The following PCDHGA5 variants were observed in gnomAD, a reference collection of about 807,000 sequenced individuals.
PCDHGA5 encodes protocadherin gamma subfamily A, 5, also known as protocadherin gamma-A5.
A neutral mutation model predicts 56.7 loss-of-function variants in PCDHGA5; 36 were observed. The ratio of observed to expected loss-of-function variants is 0.64; its 90% CI spans 0.49 to 0.84. The LOEUF (loss-of-function observed/expected upper bound fraction) is 0.84, where lower values mean the gene tolerates loss of function less well. PCDHGA5 is among the 40% of genes least tolerant of loss of function. The pLI, the probability that PCDHGA5 is intolerant of heterozygous loss-of-function variation, is 0.00. For missense variants in PCDHGA5, 1,305 were observed against 1,201.5 expected (o/e 1.09, Z -1.27); for synonymous variants, 563 against 520.2 (o/e 1.08, Z -1.12).
intron 1 of PCDHGA5, chr5:141,390,232 C>A: frequency 6.2e-7 from 1 of 1,614,020 alleles, no homozygotes. Context: ...GGTGATTCAT[C>A]TGGGGCCTTA....
At chr5:141,442,029 A>C in intron 1 of PCDHGA5, 1 of 210,292 alleles carries the variant, frequency 4.8e-6, no homozygotes, top group Non-Finnish European at 9.8e-6. Context: ...CAGGAAAGCG[A>C]CTCGCCAGCG....
intron 1 of PCDHGA5, chr5:141,394,309 C>T (rs2092971552): frequency 6.2e-7 from 1 of 1,613,992 alleles, no homozygotes; most frequent in Non-Finnish European, 8.5e-7. Flanking sequence ...CTGCAGGGGG[C>T]GCCCCTGTCC....
At chr5:141,444,002 C>T (rs2098413409) in intron 1 of PCDHGA5, among the ~76,000 whole-genome samples, 1 of 151,918 alleles carries the variant, frequency 6.6e-6, no homozygotes, top group African/African-American at 2.4e-5. Flanking sequence ...TAAATGCTAC[C>T]TGGGTATTGG....
intron 1 of PCDHGA5, chr5:141,424,031 T>G (rs2096796228): frequency 1.9e-6 from 2 of 1,036,050 alleles, no homozygotes; most frequent in African/African-American, 3.4e-5. Flanking sequence ...AAACACTTTT[T>G]ATTTCCATTT....
At chr5:141,464,116 T>A (rs1195883274) in intron 1 of PCDHGA5, among the ~76,000 whole-genome samples, 1 of 151,922 alleles carries the variant, frequency 6.6e-6, no homozygotes, top group African/African-American at 2.4e-5. Context: ...AATACAAAAA[T>A]TAGCTGGGTG....
rs11410533 is a variant in PCDHGA5, at chr5:141,429,387, TA to T, written c.2421+62644del. ...AAATGGAGAAAATGTGTTTTTTTTT[TA>T]AAAAAAATTGAGATTAAGGTCTCAT... On this transcript the variant is annotated intron_variant, in intron 1 of 3. Transcript: ENST00000518069. Among the ~76,000 whole-genome samples, 10 of 151,446 alleles carry T rather than the reference TA, an allele frequency of 6.6e-5. No individual in the cohort carries two copies. In the South Asian group the frequency reaches 1.0e-3, roughly 16 times the overall value.
chr5:141,483,620 A>G (rs192148102), intron 1 of PCDHGA5, among the ~76,000 whole-genome samples: 472 of 151,650 alleles, frequency 3.1e-3, no homozygotes, highest in Non-Finnish European at 5.0e-3. Context: ...CATCATTCCC[A>G]TGGGAGAAGG....
chr5:141,432,073 C>T lies in PCDHGA5; in HGVS notation c.2422-62734C>T, dbSNP rs1276949951. On this transcript the variant is annotated intron_variant, in intron 1 of 3. Transcript: ENST00000518069. This position sits in a 1 kb window ranked among gnomAD's most constrained non-coding sequence, Gnocchi z 6.0. ...CGCCCCTATCCACGGAAACTCATAT[C>T]TCGCTGAACGTGGCAGACACCAACG... is the stretch of plus-strand genomic sequence containing the variant. 3.1e-6 allele frequency: 5 copies of T among 1,614,208 alleles called. No homozygotes were observed. Among genetic ancestry groups the T allele is most frequent in the Non-Finnish European group, 4.2e-6 (5 of 1,180,040 alleles).
intron 1 of PCDHGA5, chr5:141,417,266 T>C (rs2096102700): frequency 6.6e-6 from 1 of 152,184 alleles, no homozygotes; most frequent in Non-Finnish European, 1.5e-5. Context: ...CATAGATAAT[T>C]ACTCTTAAAA....
At chr5:141,472,807 G>T (rs573078292) in intron 1 of PCDHGA5, among the ~76,000 whole-genome samples, 43 of 151,782 alleles carry the variant, frequency 2.8e-4, no homozygotes, top group African/African-American at 1.0e-3. Flanking sequence ...CCAACATGGA[G>T]AAACCCCCGT....
chr5:141,399,194 C>A (rs770516092), intron 1 of PCDHGA5: 24 of 1,613,720 alleles, frequency 1.5e-5, no homozygotes, highest in Non-Finnish European at 1.5e-5. Context: ...CTGGAAAACG[C>A]GGTGCCTGGA....
At position 141,486,038 on chromosome 5, in the gene PCDHGA5, G is replaced by T; in HGVS notation, c.2422-8769G>T. The stretch of plus-strand genomic sequence containing the variant: ...TTTCAGTGGTCATACCCCTGATCGT[G>T]TAAGAAACCTCTTTAGCCTGCACCC... On this transcript the variant is annotated intron_variant, in intron 1 of 3. Coordinates refer to ENST00000518069, the MANE Select transcript of PCDHGA5 (RefSeq NM_018918.3). This position sits in a 1 kb window ranked among gnomAD's most constrained non-coding sequence, Gnocchi z 5.0. The T allele has an allele frequency of 3.1e-6, 5 of 1,614,184 alleles. No individual in the cohort carries two copies. Among genetic ancestry groups the T allele is most frequent in the Non-Finnish European group, 4.2e-6 (5 of 1,180,018 alleles).
At chr5:141,437,393 G>T (rs1034237295) in intron 1 of PCDHGA5, among the ~76,000 whole-genome samples, 3 of 152,180 alleles carry the variant, frequency 2.0e-5, no homozygotes, top group Admixed American at 6.5e-5. Flanking sequence ...TTCATCCACT[G>T]CTTTCATTCC....
intron 1 of PCDHGA5, chr5:141,396,067 T>C (rs924469652): frequency 6.6e-6 from 1 of 152,222 alleles, no homozygotes; most frequent in African/African-American, 2.4e-5. Context: ...GCTGTTTCGG[T>C]TGTGCATTGA....
rs753664223 is a variant in PCDHGA5 at position 141,410,518 on chromosome 5, C to G, written c.2421+43767C>G. 5.0e-6 allele frequency: 8 copies of G among 1,613,820 alleles called. No homozygotes were observed. In the East Asian group the frequency reaches 1.8e-4, roughly 36 times the overall value. On this transcript the variant is annotated intron_variant, in intron 1 of 3. Coordinates refer to ENST00000518069, the MANE Select transcript of PCDHGA5 (RefSeq NM_018918.3). ...TTAATTTCCTAAAATGCAGTGTGCC[C>G]CTACATTCCAATGAAGACATGGTTT...
intron 1 of PCDHGA5, among the ~76,000 whole-genome samples, chr5:141,429,545 G>T (rs1200824675): frequency 6.6e-6 from 1 of 151,844 alleles, no homozygotes; most frequent in East Asian, 1.9e-4. Context: ...TAAGAACATG[G>T]TAATGATTTG....
In PCDHGA5 at chr5:141,510,353, C is replaced by G. The variant is rs74759939; in HGVS notation, c.2570-594C>G. On this transcript the variant is annotated intron_variant, in intron 3 of 3. Transcript: ENST00000518069. ...CACCCCCACCCCACACACTTACTAA[C>G]GGAACTACCGAATCTCTACTCGTGC... is the stretch of plus-strand genomic sequence containing the variant. Among the ~76,000 whole-genome samples the G allele has an allele frequency of 1.9e-4, 28 of 146,588 alleles. No homozygotes were observed. The East Asian group carries it at 5.6e-3, about 29-fold the overall frequency.
intron 1 of PCDHGA5, among the ~76,000 whole-genome samples, chr5:141,449,594 A>T (rs2098647409): frequency 6.6e-6 from 1 of 150,814 alleles, no homozygotes; most frequent in Non-Finnish European, 1.5e-5. Context: ...GTCTCAAAAA[A>T]AAAAAAAAAA....
Position 141,420,249 on chromosome 5 carries a change from A to C in PCDHGA5, c.2421+53498A>C. 4 of 1,580,072 alleles carry C rather than the reference A, an allele frequency of 2.5e-6. No homozygotes were observed. In the Admixed American group the frequency reaches 7.3e-5, roughly 29 times the overall value. On this transcript the variant is annotated intron_variant, in intron 1 of 3. Transcript: ENST00000518069. The stretch of plus-strand genomic sequence containing the variant: ...GCTAGCATTTTAACTCCCAGCGTTG[A>C]AGCAGATAAGAAGATTCTTAAACAG...
Sources: allele counts gnomAD v4.1 joint callset (sites outside exome capture counted in the v4.1 genomes callset), GRCh38; gene constraint gnomAD v4.1.1; non-coding constraint Gnocchi (gnomAD v3.1); transcripts MANE v1.5; gene names NCBI Gene and HGNC (gene_info 2026-07-23, HGNC 2026-07-21).